COL5A2: variants seen among roughly 807,000 people sequenced by gnomAD.
The protein encoded by COL5A2 is collagen alpha-2(V) chain.
In COL5A2, 23 loss-of-function variants were observed where a neutral mutation model predicts 208.2. That is an observed-to-expected ratio of 0.11 (90% CI 0.08 to 0.16). The LOEUF is 0.16. Among genes scored for constraint, COL5A2 ranks in the 10% least tolerant of loss-of-function variants. COL5A2 has a pLI of 1.00. For missense variants in COL5A2, 1,590 were observed against 1,956.4 expected (o/e 0.81, Z 3.53); for synonymous variants, 625 against 628.5 (o/e 0.99, Z 0.08).
In COL5A2 at chr2:189,195,994, G is replaced by C. The variant is rs567451117; in HGVS notation, c.-42+29154C>G. The stretch of plus-strand genomic sequence containing the variant: ...ACTAAAGATCTTCTGCACAGCAAAA[G>C]AAACTATCATCAGAGTGAACAGGCA... On this transcript the variant is annotated intron_variant, in intron 1 of 10. Transcript: ENST00000649966. Among the ~76,000 whole-genome samples the C allele has an allele frequency of 1.3e-4, 20 of 152,220 alleles. No individual in the cohort carries two copies. In the South Asian group the frequency reaches 3.9e-3, roughly 30 times the overall value.
At chr2:189,151,780 A>G (rs1475096828) in intron 1 of COL5A2, among the ~76,000 whole-genome samples, 9 of 152,174 alleles carry the variant, frequency 5.9e-5, no homozygotes, top group African/African-American at 2.2e-4. Context: ...AACTGACTGC[A>G]CACACCTTAT....
chr2:189,332,420 A>C, the COL5A2 span, among the ~76,000 whole-genome samples: 1 of 152,218 alleles, frequency 6.6e-6, no homozygotes, highest in African/African-American at 2.4e-5. Flanking sequence ...TATTTCAAAG[A>C]ATTGAAACCA....
chr2:189,056,715 A>T, intron 35 of COL5A2: 1 of 541,794 alleles, frequency 1.8e-6, no homozygotes, highest in Non-Finnish European at 3.3e-6. Flanking sequence ...ATAGAGAAAG[A>T]TAAAGAGGGC....
intron 51 of COL5A2, among the ~76,000 whole-genome samples, chr2:189,038,822 T>G (rs1466139303): frequency 6.6e-6 from 1 of 152,106 alleles, no homozygotes; most frequent in Non-Finnish European, 1.5e-5. Context: ...CCCGAGTAGC[T>G]GGAACTACAG....
chr2:189,387,454 CT>C, the COL5A2 span, among the ~76,000 whole-genome samples: 2 of 152,174 alleles, frequency 1.3e-5, no homozygotes, highest in African/African-American at 4.8e-5. Flanking sequence ...CATGTACCCC[CT>C]GATTCTAAAA....
intron 1 of COL5A2, among the ~76,000 whole-genome samples, chr2:189,132,189 T>C (rs1687729155): frequency 6.6e-6 from 1 of 152,254 alleles, no homozygotes; most frequent in Non-Finnish European, 1.5e-5. Flanking sequence ...ATTTTTATGA[T>C]ACGTAATCAT....
the COL5A2 span, among the ~76,000 whole-genome samples, chr2:189,273,900 GAGA>G: frequency 6.6e-6 from 1 of 151,990 alleles, no homozygotes; most frequent in Non-Finnish European, 1.5e-5. Flanking sequence ...TTGACTTAGG[GAGA>G]AGGAGTAAGT....
chr2:189,429,067 AAT>A, the COL5A2 span, among the ~76,000 whole-genome samples: 1 of 152,186 alleles, frequency 6.6e-6, no homozygotes, highest in Non-Finnish European at 1.5e-5. Context: ...AATAAATGGC[AAT>A]ATGTTGCACT....
intron 5 of COL5A2, among the ~76,000 whole-genome samples, chr2:189,098,086 G>C (rs1686960012): frequency 1.3e-5 from 2 of 151,162 alleles, no homozygotes; most frequent in Admixed American, 1.3e-4. Context: ...CTCTTTAAAA[G>C]AGGATTTAAA....
intron 11 of COL5A2, 145 bp downstream of exon 11, chr2:189,085,015 T>G: frequency 1.5e-6 from 1 of 661,158 alleles, no homozygotes; most frequent in Non-Finnish European, 2.7e-6. Context: ...AAAATTCCAT[T>G]CTGAGTGCTC....
At chr2:189,406,489 T>G in the COL5A2 span, among the ~76,000 whole-genome samples, 3 of 152,168 alleles carry the variant, frequency 2.0e-5, no homozygotes, top group Non-Finnish European at 4.4e-5. Context: ...CAAATTATAT[T>G]CTTAACATTG....
chr2:189,060,237 T>C (rs1685998322), intron 31 of COL5A2, among the ~76,000 whole-genome samples: 1 of 152,206 alleles, frequency 6.6e-6, no homozygotes, highest in Non-Finnish European at 1.5e-5. Flanking sequence ...GTAATTGTCC[T>C]ATACTCTCTG....
chr2:189,267,061 T>C, the COL5A2 span, among the ~76,000 whole-genome samples: 9 of 152,050 alleles, frequency 5.9e-5, no homozygotes, highest in Admixed American at 2.0e-4. Context: ...GAATATATAA[T>C]ACAATGCCAA....
intron 3 of COL5A2, among the ~76,000 whole-genome samples, chr2:189,102,917 T>G (rs889091715): frequency 6.6e-6 from 1 of 152,128 alleles, no homozygotes; most frequent in African/African-American, 2.4e-5. Flanking sequence ...AACCACAGTC[T>G]GCTACATTGG....
the COL5A2 span, among the ~76,000 whole-genome samples, chr2:189,358,342 C>T: frequency 6.6e-6 from 1 of 152,110 alleles, no homozygotes; most frequent in Non-Finnish European, 1.5e-5. Flanking sequence ...TTCATGCCTG[C>T]TAACAAAACA....
the COL5A2 span, among the ~76,000 whole-genome samples, chr2:189,274,119 A>G: frequency 2.6e-5 from 4 of 151,842 alleles, no homozygotes; most frequent in Non-Finnish European, 5.9e-5. Flanking sequence ...ACAAATATAT[A>G]TAATTTTGTC....
At chr2:189,373,596 T>A in the COL5A2 span, among the ~76,000 whole-genome samples, 1 of 152,198 alleles carries the variant, frequency 6.6e-6, no homozygotes, top group Non-Finnish European at 1.5e-5. Flanking sequence ...CTTTGTACCT[T>A]TTTTGTACCA....
the COL5A2 span, among the ~76,000 whole-genome samples, chr2:189,334,482 C>A: frequency 6.6e-6 from 1 of 151,836 alleles, no homozygotes; most frequent in Non-Finnish European, 1.5e-5. Context: ...AAATATACTA[C>A]CATTTACAAT....
At chr2:189,231,779 A>G in the COL5A2 span, among the ~76,000 whole-genome samples, 1 of 131,386 alleles carries the variant, frequency 7.6e-6, no homozygotes, top group Non-Finnish European at 1.7e-5. Flanking sequence ...AAAAAGATAC[A>G]TTTGTGTTAT....
Sources: allele counts gnomAD v4.1 joint callset (sites outside exome capture counted in the v4.1 genomes callset), GRCh38; gene constraint gnomAD v4.1.1; transcripts MANE v1.5; gene names NCBI Gene and HGNC (gene_info 2026-07-23, HGNC 2026-07-21).